Variants in TXNL1 observed in about 807,000 individuals in gnomAD.
TXNL1 encodes the protein thioredoxin like 1, also known as thioredoxin-like protein 1.
TXNL1 carries 14 observed loss-of-function variants against 35.5 expected under a neutral mutation model. The observed-to-expected ratio is 0.39, with a 90% CI of 0.26 to 0.62. TXNL1 has a LOEUF of 0.62. Among genes scored for constraint, TXNL1 ranks in the 20% least tolerant of loss-of-function variants. TXNL1 has a pLI of 0.47. For missense variants in TXNL1, 263 were observed against 349.7 expected, an observed-to-expected ratio of 0.75 and a Z score of 1.98; for synonymous variants, 110 against 115.5, an observed-to-expected ratio of 0.95 and a Z score of 0.31.
At position 56,624,283 on chromosome 18, in the gene TXNL1, C is replaced by T. The variant is rs751958154; in HGVS notation, c.369+5G>A. On this transcript the variant is annotated splice_donor_5th_base_variant and intron_variant, in intron 3 of 7. Coordinates refer to ENST00000217515, the MANE Select transcript of TXNL1 (RefSeq NM_004786.3). ...CATTATGATTTCACTTTTCAGTCTA[C>T]ATACATAGCCTTTTGGAATATCTGT... 3 of 1,608,952 alleles carry T rather than the reference C, an allele frequency of 1.9e-6. No homozygotes were observed. Among genetic ancestry groups the T allele is most frequent in the African/African-American group, 2.7e-5 (2 of 74,688 alleles).
chr18:56,633,813 G>A (rs578245288), intron 1 of TXNL1, among the ~76,000 whole-genome samples: 4 of 151,246 alleles, frequency 2.6e-5, no homozygotes, highest in African/African-American at 7.3e-5. Flanking sequence ...GTGAAACCCC[G>A]TCTCTACTAA....
intron 2 of TXNL1, 23 bp downstream of exon 2, chr18:56,626,332 TAAAAAG>T (rs1385235793): frequency 6.3e-7 from 1 of 1,579,616 alleles, no homozygotes. Flanking sequence ...AAAAGTAAAT[TAAAAAG>T]AAAAAAGATT....
chr18:56,614,658 C>A, intron 5 of TXNL1, 62 bp from the exon 6 acceptor site: 1 of 1,320,922 alleles, frequency 7.6e-7, no homozygotes, highest in South Asian at 1.4e-5. Flanking sequence ...ACTCCCTTTA[C>A]CACTACACTC....
chr18:56,626,361 C>G lies in TXNL1; in HGVS notation c.195G>C (p.Gln65His). ...VFLEVDVHQC[Q>H]GTAATNNISA... Reference sequence around the variant, plus strand: ...AAGAAAAAAGATTCCTTTCCCTTACCTGACACTGATGTACATCGACTTCCA... The same window carrying G: ...AAGAAAAAAGATTCCTTTCCCTTACGTGACACTGATGTACATCGACTTCCA... The change falls in exon 2 of 8, where the codon CAG (glutamine) becomes CAC (histidine). Residue 65 changes from glutamine to histidine, a missense_variant and splice_region_variant. Physicochemically the swap from Gln to His is conservative, Grantham distance 24 (BLOSUM62 0). Coordinates refer to ENST00000217515, the MANE Select transcript of TXNL1 (RefSeq NM_004786.3). 6.2e-7 allele frequency: 1 copy of G among 1,606,422 alleles called. No homozygotes were observed. The highest frequency in any genetic ancestry group is 8.5e-7 in the Non-Finnish European group (1 of 1,177,772).
chr18:56,617,162 T>C (rs1442820792), intron 4 of TXNL1, among the ~76,000 whole-genome samples: 1 of 152,234 alleles, frequency 6.6e-6, no homozygotes, highest in Non-Finnish European at 1.5e-5. Context: ...TTTGGATTTA[T>C]GATTTCAGAA....
At chr18:56,634,793 A>G (rs1002874560) in intron 1 of TXNL1, among the ~76,000 whole-genome samples, 18 of 152,236 alleles carry the variant, frequency 1.2e-4, no homozygotes, top group African/African-American at 4.1e-4. Context: ...CACAGGCAAC[A>G]AAAGTATAGA....
In TXNL1 at chr18:56,611,049, A is replaced by G. The variant is rs775701762; in HGVS notation, c.784T>C (p.Tyr262His). ...ACTGGAGTACCAATAAAAGTAAAAT[A>G]TGAAATTCTTGTTGTTTCCTCTTCA... ...QGEEETTRISYFTFIGTPVQA... is the reference protein window; with the variant it reads ...QGEEETTRISHFTFIGTPVQA... The change falls in exon 7 of 8, where the codon TAT (tyrosine) becomes CAT (histidine). Residue 262 changes from tyrosine to histidine, a missense_variant. Physicochemically the swap from Tyr to His is moderately conservative, Grantham distance 83 (BLOSUM62 2). Coordinates refer to ENST00000217515, the MANE Select transcript of TXNL1 (RefSeq NM_004786.3). 5 of 1,609,124 alleles carry G rather than the reference A, an allele frequency of 3.1e-6. No individual in the cohort carries two copies. The Admixed American group carries it at 8.5e-5, about 27-fold the overall frequency.
intron 7 of TXNL1, among the ~76,000 whole-genome samples, chr18:56,605,437 C>A (rs993504636): frequency 6.6e-6 from 1 of 152,048 alleles, no homozygotes; most frequent in Non-Finnish European, 1.5e-5. Context: ...CGGTGAATGG[C>A]CAGTTTAGAA....
chr18:56,624,750 C>T (rs532587522), intron 2 of TXNL1, among the ~76,000 whole-genome samples: 13 of 152,042 alleles, frequency 8.6e-5, no homozygotes, highest in Non-Finnish European at 1.9e-4. Context: ...AGAAACTGTG[C>T]TTAATGCCAG....
chr18:56,605,601 T>C (rs1280526961), intron 7 of TXNL1, among the ~76,000 whole-genome samples: 1 of 152,180 alleles, frequency 6.6e-6, no homozygotes, highest in Non-Finnish European at 1.5e-5. Context: ...AAGAGCATAT[T>C]TTAGCAAAAA....
chr18:56,629,275 C>T (rs1364495644), intron 1 of TXNL1, among the ~76,000 whole-genome samples: 1 of 152,212 alleles, frequency 6.6e-6, no homozygotes, highest in African/African-American at 2.4e-5. Flanking sequence ...CGCCTATAAT[C>T]CCAGCACTTT....
At chr18:56,605,328 A>G (rs557780767) in intron 7 of TXNL1, 3 of 152,188 alleles carry the variant, frequency 2.0e-5, no homozygotes, top group Non-Finnish European at 2.9e-5. Context: ...CAATCTTTAT[A>G]TTACTTCATT....
At chr18:56,620,623 A>T (rs1214825530) in intron 3 of TXNL1, among the ~76,000 whole-genome samples, 2 of 152,220 alleles carry the variant, frequency 1.3e-5, no homozygotes, top group Admixed American at 6.5e-5. Context: ...GTATTTTTCT[A>T]GAAAAGTATC....
intron 3 of TXNL1, among the ~76,000 whole-genome samples, chr18:56,620,981 G>A (rs1246364633): frequency 1.3e-5 from 2 of 152,136 alleles, no homozygotes; most frequent in Non-Finnish European, 2.9e-5. Flanking sequence ...GAATTATTCG[G>A]AGCATTATGA....
At chr18:56,625,157 T>C (rs1290934939) in intron 2 of TXNL1, among the ~76,000 whole-genome samples, 1 of 152,128 alleles carries the variant, frequency 6.6e-6, no homozygotes, top group East Asian at 1.9e-4. Context: ...GTCACTACTA[T>C]ACTTTTTAAA....
intron 1 of TXNL1, among the ~76,000 whole-genome samples, chr18:56,626,980 ATTTTTTTTTTTTTTG>A (rs2024295961): frequency 8.0e-6 from 1 of 125,656 alleles, no homozygotes; most frequent in Non-Finnish European, 1.7e-5. Flanking sequence ...ACCAAGCTAC[ATTTTTTTTTTTTTTG>A]AGAAGCAGGG....
intron 2 of TXNL1, among the ~76,000 whole-genome samples, chr18:56,625,025 G>C (rs889981707): frequency 6.6e-6 from 1 of 151,974 alleles, no homozygotes; most frequent in Non-Finnish European, 1.5e-5. Flanking sequence ...AATTGTATAA[G>C]ACTAACTACT....
At chr18:56,621,910 C>G (rs570606825) in intron 3 of TXNL1, among the ~76,000 whole-genome samples, 1 of 150,354 alleles carries the variant, frequency 6.7e-6, no homozygotes, top group African/African-American at 2.4e-5. Context: ...CGAGGCAGAA[C>G]TGCTTCAAAC....
In TXNL1 at chr18:56,603,038, C is replaced by G; in HGVS notation, c.859G>C (p.Glu287Gln). Residue 287 changes from glutamate to glutamine, a missense_variant, in exon 8 of 8, where the codon GAA (glutamate) becomes CAA (glutamine). By Grantham distance (29) the Glu-to-Gln change is conservative (BLOSUM62 2). Coordinates refer to ENST00000217515, the MANE Select transcript of TXNL1 (RefSeq NM_004786.3). ...GTGTCTTTTGTACCTTAGTGGCTTT[C>G]TCCTTTTTTGCCAACTACCTAGAAA... ...DFKRVVGKKG[E>Q]SH 6.2e-7 allele frequency: 1 copy of G among 1,613,788 alleles called. No homozygotes were observed. Among genetic ancestry groups the G allele is most frequent in the Non-Finnish European group, 8.5e-7 (1 of 1,179,842 alleles).
Sources: allele counts gnomAD v4.1 joint callset (sites outside exome capture counted in the v4.1 genomes callset), GRCh38; gene constraint gnomAD v4.1.1; transcripts MANE v1.5; gene names NCBI Gene and HGNC (gene_info 2026-07-23, HGNC 2026-07-21).